Variants in RNF150 observed in about 807,000 individuals in gnomAD.
RNF150 encodes the protein ring finger protein 150.
A neutral mutation model predicts 39.3 loss-of-function variants in RNF150; 24 were observed. That is an observed-to-expected ratio of 0.61 (90% CI 0.44 to 0.86). The LOEUF is 0.86. Among genes scored for constraint, RNF150 ranks in the 40% least tolerant of loss-of-function variants. The pLI is 0.00. For missense variants in RNF150, 502 were observed against 587.8 expected, an observed-to-expected ratio of 0.85 and a Z score of 1.51; for synonymous variants, 255 against 227.3, an observed-to-expected ratio of 1.12 and a Z score of -1.10.
At chr4:141,195,277 T>C (rs1728183841) in intron 1 of RNF150, among the ~76,000 whole-genome samples, 1 of 152,188 alleles carries the variant, frequency 6.6e-6, no homozygotes, top group Admixed American at 6.5e-5. Context: ...TGAGCTAGGA[T>C]TATGTAAAAA....
At chr4:141,148,018 G>A (rs922847419) in intron 1 of RNF150, among the ~76,000 whole-genome samples, 8 of 151,844 alleles carry the variant, frequency 5.3e-5, no homozygotes, top group African/African-American at 1.7e-4. Flanking sequence ...ATATTTTCTT[G>A]TGTCTTTCCT....
At chr4:140,899,299 C>T (rs2111245894) in intron 6 of RNF150, among the ~76,000 whole-genome samples, 2 of 152,254 alleles carry the variant, frequency 1.3e-5, no homozygotes, top group Non-Finnish European at 2.9e-5. Context: ...TCCAGATTTT[C>T]CAAATTGAAA....
rs80233072 is a variant in RNF150, at chr4:141,061,393, A to G, written c.484+70932T>C. 8.2e-3 allele frequency among the ~76,000 whole-genome samples: 1,255 copies of G among 152,308 alleles called. 18 individuals are homozygous for G. The highest frequency in any genetic ancestry group is 0.029 in the African/African-American group (1,205 of 41,576). On this transcript the variant is annotated intron_variant, in intron 1 of 6. Coordinates refer to ENST00000515673, the MANE Select transcript of RNF150 (RefSeq NM_020724.2). ...TACTCTTTAAAAAAGGAATGCTTGG[A>G]AGCAGAACTCATCAACTAACGCTAA... is the stretch of plus-strand genomic sequence containing the variant.
intron 1 of RNF150, among the ~76,000 whole-genome samples, chr4:141,162,352 G>A (rs760261201): frequency 2.0e-5 from 3 of 152,172 alleles, no homozygotes; most frequent in Non-Finnish European, 4.4e-5. Flanking sequence ...TTTGGAATGG[G>A]ATTATTTACC....
intron 1 of RNF150, among the ~76,000 whole-genome samples, chr4:141,087,613 T>C (rs1230217682): frequency 3.3e-5 from 5 of 152,182 alleles, no homozygotes; most frequent in African/African-American, 9.7e-5. Flanking sequence ...TAAGTAATGT[T>C]TTATAGGTCC....
At chr4:141,101,971 G>A (rs1038737187) in intron 1 of RNF150, among the ~76,000 whole-genome samples, 3 of 151,878 alleles carry the variant, frequency 2.0e-5, no homozygotes, top group Admixed American at 2.0e-4. Context: ...TAGTAGAGAT[G>A]GGATTTCACC....
intron 1 of RNF150, among the ~76,000 whole-genome samples, chr4:141,117,641 C>T (rs1297511114): frequency 1.3e-5 from 2 of 152,208 alleles, no homozygotes. Context: ...AATATGTCCA[C>T]ATCATTAAGC....
chr4:141,143,257 A>G (rs1362949058), intron 1 of RNF150, among the ~76,000 whole-genome samples: 1 of 152,178 alleles, frequency 6.6e-6, no homozygotes, highest in East Asian at 1.9e-4. Context: ...TTACATATCT[A>G]TATTGAAGAT....
chr4:140,963,712 T>C (rs1367005953), intron 2 of RNF150, among the ~76,000 whole-genome samples: 1 of 152,014 alleles, frequency 6.6e-6, no homozygotes, highest in African/African-American at 2.4e-5. Flanking sequence ...AGGAATAGTA[T>C]ATAGCAGAAA....
chr4:140,881,023 T>G (rs1461100399), intron 6 of RNF150, among the ~76,000 whole-genome samples: 1 of 152,190 alleles, frequency 6.6e-6, no homozygotes, highest in Non-Finnish European at 1.5e-5. Flanking sequence ...ATATCTGCTC[T>G]AATCTTTATT....
chr4:141,165,283 C>A (rs1332527910), intron 1 of RNF150, among the ~76,000 whole-genome samples: 1 of 152,104 alleles, frequency 6.6e-6, no homozygotes, highest in Non-Finnish European at 1.5e-5. Flanking sequence ...TACAGGAGCA[C>A]CCAGATTCAT....
rs1027103788 is a variant in RNF150 at position 140,864,551 on chromosome 4, T to A, written c.*3710A>T. 2 of 152,186 alleles carry A rather than the reference T, an allele frequency of 1.3e-5. No homozygotes were observed. Among genetic ancestry groups the A allele is most frequent in the Non-Finnish European group, 2.9e-5 (2 of 68,038 alleles). 9.4% of individuals were successfully genotyped at this position (152,186 alleles called of 1,614,324 possible). On this transcript the variant is annotated 3_prime_UTR_variant, in exon 7 of 7. Coordinates refer to ENST00000515673, the MANE Select transcript of RNF150 (RefSeq NM_020724.2). Reference sequence around the variant, plus strand: ...ATGATCACAGGCCCCCAAAGATTCTTTTTCAAGAAGGCCACATAAAGTCTT... The same window carrying A: ...ATGATCACAGGCCCCCAAAGATTCTATTTCAAGAAGGCCACATAAAGTCTT...
chr4:140,963,083 T>C (rs1186112458), intron 2 of RNF150, among the ~76,000 whole-genome samples: 2 of 152,010 alleles, frequency 1.3e-5, no homozygotes, highest in East Asian at 3.8e-4. Flanking sequence ...AGTGGGATAG[T>C]GGGTAACTTG....
intron 5 of RNF150, among the ~76,000 whole-genome samples, chr4:140,920,264 G>A (rs1197114446): frequency 4.8e-5 from 7 of 145,960 alleles, no homozygotes; most frequent in African/African-American, 1.8e-4. Context: ...TACAAAATGG[G>A]AGAAAATTTT....
intron 2 of RNF150, among the ~76,000 whole-genome samples, chr4:140,953,778 T>C (rs1732638409): frequency 6.6e-6 from 1 of 152,220 alleles, no homozygotes. Flanking sequence ...ATTTTCAAAC[T>C]AGTTTTATTG....
At chr4:141,203,007 A>G (rs67675428) in intron 1 of RNF150, among the ~76,000 whole-genome samples, 33,141 of 147,102 alleles carry the variant, frequency 0.23, 4,446 homozygotes, top group East Asian at 0.62. Context: ...TTGTTTTATG[A>G]TATATATTTT....
At chr4:141,044,771 G>GCGCACACACACACACA (rs1553940748) in intron 1 of RNF150, among the ~76,000 whole-genome samples, 2 of 146,582 alleles carry the variant, frequency 1.4e-5, no homozygotes, top group African/African-American at 5.2e-5. Flanking sequence ...GGTGTGCAGC[G>GCGCACACACACACACA]CACACACACA....
rs182944941 is a variant in RNF150, at chr4:141,164,175, G to A, written c.-6+48619C>T. ...GAAGCATACACAAGTATCAATAGCT[G>A]AATTGATCAAGCAGAAGAAAGGATA... On this transcript the variant is annotated intron_variant, in intron 1 of 7. Coordinates refer to the RNF150 transcript ENST00000420921. 1.5e-3 allele frequency among the ~76,000 whole-genome samples: 228 copies of A among 150,806 alleles called. 1 individual carries two copies. The highest frequency in any genetic ancestry group is 5.4e-3 in the African/African-American group (221 of 41,036).
intron 1 of RNF150, among the ~76,000 whole-genome samples, chr4:141,025,331 T>C (rs1735656154): frequency 6.6e-6 from 1 of 152,122 alleles, no homozygotes; most frequent in Non-Finnish European, 1.5e-5. Context: ...CTAGACTAAA[T>C]TGTTACCTAA....
Sources: allele counts gnomAD v4.1 joint callset (sites outside exome capture counted in the v4.1 genomes callset), GRCh38; gene constraint gnomAD v4.1.1; transcripts MANE v1.5; gene names NCBI Gene and HGNC (gene_info 2026-07-23, HGNC 2026-07-21).